Variants in CSMD3 observed in about 807,000 individuals in gnomAD.
CSMD3 encodes the protein CUB and sushi domain-containing protein 3.
A neutral mutation model predicts 435.2 loss-of-function variants in CSMD3; 177 were observed. The ratio of observed to expected loss-of-function variants is 0.41; its 90% CI spans 0.36 to 0.46. The LOEUF (loss-of-function observed/expected upper bound fraction) is 0.46, where lower values mean the gene tolerates loss of function less well. Among genes scored for constraint, CSMD3 ranks in the 20% least tolerant of loss-of-function variants. The pLI is 0.34. For synonymous variants in CSMD3, 1,656 were observed against 1,520.5 expected (o/e 1.09, Z -2.07); for missense variants, 4,265 against 4,504.6 (o/e 0.95, Z 1.52).
intron 13 of CSMD3, among the ~76,000 whole-genome samples, chr8:112,797,751 T>C (rs1196673421): frequency 6.6e-6 from 1 of 151,788 alleles, no homozygotes; most frequent in African/African-American, 2.4e-5. Flanking sequence ...CACATCAAAA[T>C]TTGTAACTTC....
chr8:112,722,248 TAACA>T (rs2076874235), intron 13 of CSMD3, among the ~76,000 whole-genome samples: 2 of 150,100 alleles, frequency 1.3e-5, no homozygotes, highest in African/African-American at 2.5e-5. Context: ...CAAAGAGACA[TAACA>T]AACAAATGCA....
intron 59 of CSMD3, among the ~76,000 whole-genome samples, chr8:112,269,107 G>A (rs1262029264): frequency 6.6e-6 from 1 of 152,112 alleles, no homozygotes; most frequent in Non-Finnish European, 1.5e-5. Flanking sequence ...CTCTCTAGTT[G>A]AGAACCACTG....
Position 112,712,389 on chromosome 8 carries a change from C to T in CSMD3, c.1973-22339G>A, listed in dbSNP as rs563664262. Among the ~76,000 whole-genome samples, 9 of 152,022 alleles carry T rather than the reference C, an allele frequency of 5.9e-5. No homozygotes were observed. In the South Asian group the frequency reaches 6.2e-4, roughly 11 times the overall value. ...GTTTCTATTAAACAGATCTTTTTACCGTGTAAGTGGTTGATTCATGTTAAT... is the reference window on the plus strand; with the variant it reads ...GTTTCTATTAAACAGATCTTTTTACTGTGTAAGTGGTTGATTCATGTTAAT... On this transcript the variant is annotated intron_variant, in intron 13 of 70. Coordinates refer to ENST00000297405, the MANE Select transcript of CSMD3 (RefSeq NM_198123.2).
intron 9 of CSMD3, among the ~76,000 whole-genome samples, chr8:112,929,313 C>A (rs532231171): frequency 2.0e-5 from 3 of 149,706 alleles, no homozygotes; most frequent in Non-Finnish European, 4.4e-5. Flanking sequence ...ACCAGCATGG[C>A]ACATGTATGC....
At chr8:113,005,249 A>C (rs1449090761) in intron 6 of CSMD3, among the ~76,000 whole-genome samples, 2 of 151,938 alleles carry the variant, frequency 1.3e-5, no homozygotes, top group Non-Finnish European at 2.9e-5. Flanking sequence ...ACAATCAACC[A>C]ATAACAATGG....
chr8:112,525,972 A>C (rs886852953), intron 27 of CSMD3, among the ~76,000 whole-genome samples: 1 of 147,810 alleles, frequency 6.8e-6, no homozygotes. Context: ...ATACTAAAAT[A>C]CTAAAGTTTC....
At chr8:112,596,417 G>A (rs1831725292) in intron 22 of CSMD3, among the ~76,000 whole-genome samples, 1 of 152,004 alleles carries the variant, frequency 6.6e-6, no homozygotes, top group South Asian at 2.1e-4. Flanking sequence ...ATTAATAATG[G>A]GAGACTTTAA....
intron 28 of CSMD3, among the ~76,000 whole-genome samples, chr8:112,512,236 G>A (rs1823216979): frequency 6.6e-6 from 1 of 152,180 alleles, no homozygotes; most frequent in Non-Finnish European, 1.5e-5. Flanking sequence ...ACTTTGCTCA[G>A]ATGCATCAGA....
At chr8:112,297,971 C>A (rs1269216922) in intron 53 of CSMD3, among the ~76,000 whole-genome samples, 1 of 137,394 alleles carries the variant, frequency 7.3e-6, no homozygotes, top group Non-Finnish European at 1.6e-5. Flanking sequence ...AAAAAAAGAA[C>A]AATTTTACTT....
At chr8:112,698,038 C>T (rs1372726715) in intron 13 of CSMD3, among the ~76,000 whole-genome samples, 1 of 151,900 alleles carries the variant, frequency 6.6e-6, no homozygotes, top group East Asian at 1.9e-4. Context: ...GCAGTGGCAC[C>T]AGAGGTTGAG....
At chr8:112,657,870 TG>T (rs1639366054) in intron 17 of CSMD3, among the ~76,000 whole-genome samples, 1 of 152,246 alleles carries the variant, frequency 6.6e-6, no homozygotes, top group African/African-American at 2.4e-5. Context: ...GTGGCTTTTG[TG>T]ATACTAATCA....
At chr8:112,763,887 T>C (rs932964943) in intron 13 of CSMD3, among the ~76,000 whole-genome samples, 1 of 151,258 alleles carries the variant, frequency 6.6e-6, no homozygotes, top group African/African-American at 2.4e-5. Flanking sequence ...CATGAAATTC[T>C]TTAGCTTTTT....
At chr8:113,386,063 C>T (rs1027593914) in intron 1 of CSMD3, among the ~76,000 whole-genome samples, 1 of 151,916 alleles carries the variant, frequency 6.6e-6, no homozygotes, top group East Asian at 1.9e-4. Context: ...TCTTACTGTT[C>T]CTCTGAAACA....
At chr8:112,636,131 C>G (rs1210583594) in intron 22 of CSMD3, among the ~76,000 whole-genome samples, 5 of 151,986 alleles carry the variant, frequency 3.3e-5, no homozygotes, top group Non-Finnish European at 5.9e-5. Context: ...TAATGAAAAG[C>G]CTTTTTTCTA....
Position 112,421,628 on chromosome 8 carries a change from A to G in CSMD3, c.5396-12596T>C, listed in dbSNP as rs1260567966. On this transcript the variant is annotated intron_variant, in intron 32 of 70. Transcript: ENST00000297405. ...AATATATGTATATATACATATGTAC[A>G]CATATATGTAATAATATATGTATAT... Among the ~76,000 whole-genome samples the G allele has an allele frequency of 2.0e-5, 3 of 147,442 alleles. No homozygotes were observed. In the Admixed American group the frequency reaches 2.1e-4, roughly 10 times the overall value.
chr8:112,228,703 A>G, intron 70 of CSMD3, 53 bp downstream of exon 70: 1 of 1,552,296 alleles, frequency 6.4e-7, no homozygotes, highest in East Asian at 2.3e-5. Context: ...AGTAGAAATA[A>G]CATGAAAAAC....
At chr8:112,715,988 G>T (rs970003892) in intron 13 of CSMD3, among the ~76,000 whole-genome samples, 3 of 152,156 alleles carry the variant, frequency 2.0e-5, no homozygotes, top group African/African-American at 7.2e-5. Context: ...GGCAAAAGCT[G>T]GAATCATTCC....
At chr8:113,376,630 C>G in intron 1 of CSMD3, 1 of 1,255,148 alleles carries the variant, frequency 8.0e-7, no homozygotes, top group African/African-American at 1.5e-5. Context: ...AAGTTTACCA[C>G]TCTCTCTTTC....
chr8:112,765,922 T>C (rs571007632), intron 13 of CSMD3, among the ~76,000 whole-genome samples: 1 of 151,824 alleles, frequency 6.6e-6, no homozygotes, highest in South Asian at 2.1e-4. Context: ...GAGTTTTCCA[T>C]TGCCTGTAAG....
Sources: gnomAD v4.1 joint callset for allele counts (sites outside exome capture counted in the v4.1 genomes callset) on GRCh38, gnomAD v4.1.1 for gene constraint, MANE v1.5 for transcripts, NCBI Gene and HGNC (gene_info 2026-07-23, HGNC 2026-07-21) for gene names.